CTNNBL1: variants seen among roughly 807,000 people sequenced by gnomAD.
CTNNBL1 encodes the protein catenin beta like 1, also known as beta-catenin-like protein 1.
In CTNNBL1, 31 loss-of-function variants were observed where a neutral mutation model predicts 72.7. The ratio of observed to expected loss-of-function variants is 0.43; its 90% confidence interval spans 0.32 to 0.58. CTNNBL1 has a LOEUF of 0.58. Ranked by LOEUF, CTNNBL1 falls within the 20% of genes least tolerant of loss-of-function variation. The pLI is 0.08. For missense variants in CTNNBL1, 534 were observed against 725.1 expected (o/e 0.74, Z 3.03); for synonymous variants, 240 against 267.3 (o/e 0.90, Z 1.00).
At position 37,843,445 on chromosome 20, in the gene CTNNBL1, C is replaced by G. The variant is rs575623823; in HGVS notation, c.1392+1026C>G. Among the ~76,000 whole-genome samples, 3 of 152,322 alleles carry G rather than the reference C, an allele frequency of 2.0e-5. No individual in the cohort carries two copies. The South Asian group carries it at 6.2e-4, about 32-fold the overall frequency. On this transcript the variant is annotated intron_variant, in intron 13 of 15. Transcript: ENST00000361383. ...CACCAGCATTTTCCCTCGGGGCATGCCTCAGGCCAGAGTGAGAGACTAGGG... is the reference window on the plus strand; with the variant it reads ...CACCAGCATTTTCCCTCGGGGCATGGCTCAGGCCAGAGTGAGAGACTAGGG...
chr20:37,716,812 T>G (rs1469763493), intron 1 of CTNNBL1, among the ~76,000 whole-genome samples: 1 of 152,230 alleles, frequency 6.6e-6, no homozygotes. Flanking sequence ...ATATTCTTCT[T>G]TAACAAGATA....
intron 1 of CTNNBL1, among the ~76,000 whole-genome samples, chr20:37,709,122 C>T (rs2072915391): frequency 6.6e-6 from 1 of 151,912 alleles, no homozygotes; most frequent in South Asian, 2.1e-4. Context: ...GGCAACAGAG[C>T]AAGACTCCGT....
intron 11 of CTNNBL1, among the ~76,000 whole-genome samples, chr20:37,818,787 G>A (rs2072081142): frequency 6.6e-6 from 1 of 152,124 alleles, no homozygotes; most frequent in East Asian, 1.9e-4. Context: ...GGAGAGCTAT[G>A]TCCCAAAAGA....
intron 6 of CTNNBL1, among the ~76,000 whole-genome samples, chr20:37,765,646 C>T (rs182638763): frequency 1.3e-3 from 194 of 152,256 alleles, no homozygotes; most frequent in African/African-American, 4.5e-3. Flanking sequence ...CCTTTTAAGT[C>T]GTTTTTTCTT....
chr20:37,766,036 T>C (rs1218692604), intron 6 of CTNNBL1, among the ~76,000 whole-genome samples: 1 of 152,076 alleles, frequency 6.6e-6, no homozygotes, highest in Non-Finnish European at 1.5e-5. Context: ...AGCAGAAAAT[T>C]TGATGAGATT....
chr20:37,871,209 A>G (rs1332094451), intron 15 of CTNNBL1, among the ~76,000 whole-genome samples: 1 of 152,204 alleles, frequency 6.6e-6, no homozygotes, highest in African/African-American at 2.4e-5. Context: ...GTAAGTTTCC[A>G]TGCAGTGCTG....
intron 4 of CTNNBL1, chr20:37,751,589 A>G (rs1242146564): frequency 6.6e-6 from 1 of 152,236 alleles, no homozygotes; most frequent in Non-Finnish European, 1.5e-5. Context: ...AACAGGGATC[A>G]ACTGAACTTG....
intron 1 of CTNNBL1, among the ~76,000 whole-genome samples, chr20:37,720,371 C>A (rs1028194730): frequency 2.0e-5 from 3 of 152,264 alleles, no homozygotes; most frequent in Non-Finnish European, 4.4e-5. Flanking sequence ...GTTTCCCAGG[C>A]TGGTCTTGAA....
intron 11 of CTNNBL1, among the ~76,000 whole-genome samples, chr20:37,837,847 A>G (rs1338519173): frequency 3.9e-5 from 6 of 152,256 alleles, no homozygotes; most frequent in East Asian, 1.9e-4. Flanking sequence ...GGATATGGCA[A>G]TGAACAGAGC....
chr20:37,744,826 G>C (rs544904484), intron 3 of CTNNBL1: 4 of 152,042 alleles, frequency 2.6e-5, no homozygotes, highest in African/African-American at 4.8e-5. Flanking sequence ...TTACTTTTTG[G>C]GGGGAAAGTC....
intron 4 of CTNNBL1, chr20:37,750,432 C>T (rs2073308392): frequency 2.0e-5 from 3 of 152,226 alleles, no homozygotes; most frequent in Admixed American, 6.5e-5. Flanking sequence ...TTTTTAAACA[C>T]TTTTTCCTTT....
At chr20:37,713,348 C>G (rs938433167) in intron 1 of CTNNBL1, among the ~76,000 whole-genome samples, 7 of 152,186 alleles carry the variant, frequency 4.6e-5, no homozygotes, top group Admixed American at 3.9e-4. Flanking sequence ...TCCCCCTCCC[C>G]TCTCTGAGTG....
chr20:37,804,060 T>C (rs2071930661), intron 11 of CTNNBL1, among the ~76,000 whole-genome samples: 1 of 152,122 alleles, frequency 6.6e-6, no homozygotes. Flanking sequence ...TGATATCTTC[T>C]CTATCAAATC....
intron 1 of CTNNBL1, among the ~76,000 whole-genome samples, chr20:37,700,776 G>T (rs1403694380): frequency 1.3e-5 from 2 of 152,130 alleles, no homozygotes; most frequent in Non-Finnish European, 2.9e-5. Context: ...TTCCAATAAA[G>T]AATTCACATT....
intron 3 of CTNNBL1, among the ~76,000 whole-genome samples, chr20:37,745,818 G>C (rs115495626): frequency 1.3e-5 from 2 of 152,188 alleles, no homozygotes; most frequent in African/African-American, 4.8e-5. Context: ...GGCATGCAGC[G>C]TGAATGCAAA....
chr20:37,757,046 G>A (rs966056551), intron 4 of CTNNBL1: 1 of 152,312 alleles, frequency 6.6e-6, no homozygotes, highest in Non-Finnish European at 1.5e-5. Flanking sequence ...AGGGACAGAG[G>A]TTGGTGGGGA....
intron 5 of CTNNBL1, among the ~76,000 whole-genome samples, chr20:37,759,030 A>G (rs1460847338): frequency 6.6e-6 from 1 of 152,184 alleles, no homozygotes; most frequent in African/African-American, 2.4e-5. Context: ...CCCACTGGTT[A>G]TGAAGAACTG....
At chr20:37,840,918 G>A (rs947331467) in intron 12 of CTNNBL1, among the ~76,000 whole-genome samples, 1 of 152,152 alleles carries the variant, frequency 6.6e-6, no homozygotes, top group Non-Finnish European at 1.5e-5. Flanking sequence ...TATGGAAGCT[G>A]GGAACACAAT....
intron 3 of CTNNBL1, 38 bp downstream of exon 3, chr20:37,737,522 G>T: frequency 7.1e-7 from 1 of 1,411,840 alleles, no homozygotes; most frequent in Non-Finnish European, 9.8e-7. Flanking sequence ...TCTCCTCTGT[G>T]GCGTTTCGTT....
Sources: allele counts gnomAD v4.1 joint callset (sites outside exome capture counted in the v4.1 genomes callset), GRCh38; gene constraint gnomAD v4.1.1; transcripts MANE v1.5; gene names NCBI Gene and HGNC (gene_info 2026-07-23, HGNC 2026-07-21).